Variants in CNIH3 observed in about 807,000 individuals in gnomAD.
CNIH3 encodes the protein cornichon family AMPA receptor auxiliary protein 3.
Under a neutral mutation model 24.1 loss-of-function variants are expected in CNIH3, and 14 were observed. That is an observed-to-expected ratio of 0.58 (90% CI 0.38 to 0.91). CNIH3 has a LOEUF of 0.91. Ranked by LOEUF, CNIH3 falls within the 40% of genes least tolerant of loss-of-function variation. The pLI is 0.00. For missense variants in CNIH3, 178 were observed against 196.8 expected (o/e 0.90, Z 0.57); for synonymous variants, 68 against 73.8 (o/e 0.92, Z 0.40).
intron 1 of CNIH3, among the ~76,000 whole-genome samples, chr1:224,451,102 C>T (rs1291187595): frequency 6.6e-5 from 10 of 152,190 alleles, no homozygotes; most frequent in East Asian, 1.9e-4. Context: ...GCCATGTCCT[C>T]GTGCACAGTC....
chr1:224,574,083 GTTTATT>G (rs1680934043), intron 4 of CNIH3, among the ~76,000 whole-genome samples: 1 of 152,060 alleles, frequency 6.6e-6, no homozygotes, highest in African/African-American at 2.4e-5. Flanking sequence ...AAAATATATA[GTTTATT>G]TTTGACATTT....
intron 1 of CNIH3, among the ~76,000 whole-genome samples, chr1:224,668,432 C>T (rs1018588209): frequency 2.6e-5 from 4 of 152,180 alleles, no homozygotes; most frequent in Non-Finnish European, 4.4e-5. Flanking sequence ...TACTGTCTGC[C>T]TTGCTTTTTG....
chr1:224,534,660 G>T (rs1171122121), intron 2 of CNIH3, among the ~76,000 whole-genome samples: 2 of 152,182 alleles, frequency 1.3e-5, no homozygotes, highest in Non-Finnish European at 2.9e-5. Context: ...AAAATCAGTG[G>T]TGAGACTAGC....
At chr1:224,465,550 C>G (rs1676120246) in intron 1 of CNIH3, among the ~76,000 whole-genome samples, 1 of 152,218 alleles carries the variant, frequency 6.6e-6, no homozygotes. Flanking sequence ...TTTACTTACA[C>G]ATTTGTTATA....
chr1:224,512,088 T>C (rs370181837), upstream of CNIH3, among the ~76,000 whole-genome samples: 341 of 150,546 alleles, frequency 2.3e-3, 1 homozygote, highest in African/African-American at 5.4e-3. Context: ...GGCAGGAGAA[T>C]CGCTTGAACC....
chr1:224,671,273 G>A (rs1017454904), intron 1 of CNIH3, among the ~76,000 whole-genome samples: 2 of 152,210 alleles, frequency 1.3e-5, no homozygotes, highest in Non-Finnish European at 2.9e-5. Flanking sequence ...GCAAGACTCT[G>A]GGCCTCTCCA....
intron 3 of CNIH3, among the ~76,000 whole-genome samples, chr1:224,554,537 ATATAG>A (rs577756534): frequency 9.9e-5 from 15 of 151,810 alleles, no homozygotes; most frequent in African/African-American, 3.6e-4. Flanking sequence ...TCCCTAAACA[ATATAG>A]TATTATAGTA....
Position 224,484,480 on chromosome 1 carries a change from T to C in CNIH3, n.204-31261T>C, listed in dbSNP as rs551600324. Among the ~76,000 whole-genome samples, 17 of 152,296 alleles carry C rather than the reference T, an allele frequency of 1.1e-4. No homozygotes were observed. The East Asian group carries it at 3.3e-3, about 29-fold the overall frequency. On this transcript the variant is annotated intron_variant and non_coding_transcript_variant, in intron 1 of 5. Coordinates refer to the CNIH3 transcript ENST00000471578. ...TATCACCAGTTTTGAGCACATTGAC[T>C]ATGATATGTGTTGGTGTTGTTTTCT...
At chr1:224,597,227 A>G (rs952470157) in intron 3 of CNIH3, among the ~76,000 whole-genome samples, 1 of 151,996 alleles carries the variant, frequency 6.6e-6, no homozygotes, top group Non-Finnish European at 1.5e-5. Context: ...TCTCTAACTG[A>G]CCTTCTTCTC....
chr1:224,481,613 C>A (rs1676816960), intron 1 of CNIH3, among the ~76,000 whole-genome samples: 1 of 152,200 alleles, frequency 6.6e-6, no homozygotes, highest in Non-Finnish European at 1.5e-5. Context: ...AAGAGTTTCT[C>A]TCTCTGTGCT....
chr1:224,590,686 C>G (rs548784634), downstream of CNIH3, among the ~76,000 whole-genome samples: 2 of 152,270 alleles, frequency 1.3e-5, no homozygotes, highest in South Asian at 2.1e-4. Context: ...TAAACACCCC[C>G]CCTTAGGTCT....
chr1:224,712,569 A>C (rs1361385424), intron 3 of CNIH3, among the ~76,000 whole-genome samples: 1 of 152,222 alleles, frequency 6.6e-6, no homozygotes, highest in Non-Finnish European at 1.5e-5. Context: ...ACTCCTTTGA[A>C]GAGGTGAGAC....
upstream of CNIH3, among the ~76,000 whole-genome samples, chr1:224,511,008 A>G (rs1001820777): frequency 6.6e-5 from 10 of 152,250 alleles, no homozygotes; most frequent in Admixed American, 5.9e-4. Context: ...TTGTCCCTGA[A>G]AAAGATCTCT....
At chr1:224,686,778 C>T (rs17514370) in intron 3 of CNIH3, among the ~76,000 whole-genome samples, 26,815 of 152,208 alleles carry the variant, frequency 0.18, 2,520 homozygotes, top group African/African-American at 0.23. Context: ...CAGGCAATGG[C>T]CAAGGTCCTG....
intron 2 of CNIH3, among the ~76,000 whole-genome samples, chr1:224,525,711 T>A (rs1678818770): frequency 6.6e-6 from 1 of 152,172 alleles, no homozygotes; most frequent in Non-Finnish European, 1.5e-5. Flanking sequence ...TGTATTAGAT[T>A]CAGTCTGAGT....
At position 224,712,117 on chromosome 1, in the gene CNIH3, G is replaced by C. The variant is rs114565322; in HGVS notation, c.199-18345G>C. Among the ~76,000 whole-genome samples the C allele has an allele frequency of 9.8e-3, 1,498 of 152,238 alleles. 19 individuals carry two copies. The highest frequency in any genetic ancestry group is 0.032 in the African/African-American group (1,318 of 41,536). ...GCCATATCTTCCCTGGATGATAAAGGCTTGTCTAAAGTCCACTCACTTTCA... is the reference window on the plus strand; with the variant it reads ...GCCATATCTTCCCTGGATGATAAAGCCTTGTCTAAAGTCCACTCACTTTCA... On this transcript the variant is annotated intron_variant, in intron 3 of 5. Coordinates refer to ENST00000272133, the MANE Select transcript of CNIH3 (RefSeq NM_152495.2).
chr1:224,726,980 C>T (rs1030715603), intron 3 of CNIH3, among the ~76,000 whole-genome samples: 1 of 152,064 alleles, frequency 6.6e-6, no homozygotes, highest in African/African-American at 2.4e-5. Flanking sequence ...TGCTTAGAAG[C>T]TTTAGGGGTG....
chr1:224,639,556 G>A (rs1684254615), intron 1 of CNIH3, among the ~76,000 whole-genome samples: 1 of 152,226 alleles, frequency 6.6e-6, no homozygotes, highest in Non-Finnish European at 1.5e-5. Flanking sequence ...GAACATGTTT[G>A]GTTCCCTGTA....
At chr1:224,491,578 A>G (rs1677237677) in intron 1 of CNIH3, among the ~76,000 whole-genome samples, 2 of 151,990 alleles carry the variant, frequency 1.3e-5, no homozygotes, top group African/African-American at 4.8e-5. Flanking sequence ...GCATCTATTA[A>G]ATAAATTCAT....
Sources: allele counts gnomAD v4.1 joint callset (sites outside exome capture counted in the v4.1 genomes callset), GRCh38; gene constraint gnomAD v4.1.1; transcripts MANE v1.5; gene names NCBI Gene and HGNC (gene_info 2026-07-23, HGNC 2026-07-21).